The following AKT3 variants were observed in gnomAD, a reference collection of about 807,000 sequenced individuals.
AKT3 encodes the protein AKT serine/threonine kinase 3.
AKT3 carries 15 observed loss-of-function variants against 65.3 expected under a neutral mutation model. That is an observed-to-expected ratio of 0.23 (90% confidence interval 0.15 to 0.35). AKT3 has a LOEUF of 0.35. Ranked by LOEUF, AKT3 falls within the 10% of genes least tolerant of loss-of-function variation. The probability of loss-of-function intolerance (pLI) is 1.00; values close to 1 mark genes in which losing one functional copy is unlikely to be tolerated. For missense variants in AKT3, 243 were observed against 576.5 expected (o/e 0.42, Z 5.92); for synonymous variants, 206 against 183.8 (o/e 1.12, Z -0.98).
intron 2 of AKT3, among the ~76,000 whole-genome samples, chr1:243,697,368 G>GA (rs543004329): frequency 6.6e-6 from 1 of 151,636 alleles, no homozygotes; most frequent in Non-Finnish European, 1.5e-5. Context: ...AATTTAGGGG[G>GA]AAAAAATCTG....
chr1:243,825,022 A>G (rs906733699), intron 2 of AKT3, among the ~76,000 whole-genome samples: 1 of 152,240 alleles, frequency 6.6e-6, no homozygotes, highest in South Asian at 2.1e-4. Flanking sequence ...TCAATGATAG[A>G]CTGAATAAAG....
intron 12 of AKT3, among the ~76,000 whole-genome samples, chr1:243,519,912 A>T (rs1670605178): frequency 6.6e-6 from 1 of 152,264 alleles, no homozygotes. Flanking sequence ...CATGGCTTAC[A>T]AAAGTGTCTT....
At chr1:243,793,783 A>AC (rs1291821286) in intron 2 of AKT3, among the ~76,000 whole-genome samples, 1 of 151,720 alleles carries the variant, frequency 6.6e-6, no homozygotes, top group African/African-American at 2.4e-5. Flanking sequence ...TCTCAAAAAA[A>AC]AAAAAAAAGG....
chr1:243,625,781 A>C (rs146256761), intron 6 of AKT3, among the ~76,000 whole-genome samples: 1 of 152,294 alleles, frequency 6.6e-6, no homozygotes, highest in African/African-American at 2.4e-5. Flanking sequence ...TTTGATTCTG[A>C]ATGTTGCAGA....
At chr1:243,770,213 G>A (rs1228282496) in intron 2 of AKT3, among the ~76,000 whole-genome samples, 1 of 152,124 alleles carries the variant, frequency 6.6e-6, no homozygotes, top group Non-Finnish European at 1.5e-5. Context: ...AGTGCCTGAA[G>A]GTGAGAAGCA....
At chr1:243,553,970 A>T (rs930157711) in intron 10 of AKT3, among the ~76,000 whole-genome samples, 3 of 152,330 alleles carry the variant, frequency 2.0e-5, no homozygotes, top group Admixed American at 2.0e-4. Context: ...TATCAATTTA[A>T]AAACACTTAC....
At chr1:243,849,386 A>AACCCCCCC (rs1695655077) in intron 1 of AKT3, among the ~76,000 whole-genome samples, 3 of 107,020 alleles carry the variant, frequency 2.8e-5, no homozygotes, top group East Asian at 2.9e-4. Flanking sequence ...CCACACACAC[A>AACCCCCCC]CCCCCCCCCC....
rs373320364 is a variant in AKT3, at chr1:243,657,654, G to A, written c.284+7118C>T. Among the ~76,000 whole-genome samples the A allele has an allele frequency of 7.2e-5, 11 of 151,966 alleles. No individual in the cohort carries two copies. In the East Asian group the frequency reaches 7.7e-4, roughly 11 times the overall value. ...ACAGAAAAAAAAAATCCTAAAATTCGTATGGAAACCATAAAGAATCCCAAA... is the reference window on the plus strand; with the variant it reads ...ACAGAAAAAAAAAATCCTAAAATTCATATGGAAACCATAAAGAATCCCAAA... On this transcript the variant is annotated intron_variant, in intron 4 of 13. Transcript: ENST00000673466.
At chr1:243,726,529 C>T (rs1687223068) in intron 2 of AKT3, among the ~76,000 whole-genome samples, 1 of 152,132 alleles carries the variant, frequency 6.6e-6, no homozygotes, top group Admixed American at 6.5e-5. Context: ...CAGGTAAATT[C>T]TCAAAAGAAG....
intron 2 of AKT3, among the ~76,000 whole-genome samples, chr1:243,834,934 T>C (rs773941698): frequency 6.6e-6 from 1 of 152,086 alleles, no homozygotes; most frequent in Non-Finnish European, 1.5e-5. Context: ...AACATGGTGA[T>C]ATACTATACA....
chr1:243,744,477 C>T (rs1341545219), intron 2 of AKT3, among the ~76,000 whole-genome samples: 1 of 152,090 alleles, frequency 6.6e-6, no homozygotes, highest in Non-Finnish European at 1.5e-5. Flanking sequence ...CGGTGGCTCA[C>T]GCCTGTAATC....
chr1:243,762,194 G>C (rs1689535074), intron 2 of AKT3, among the ~76,000 whole-genome samples: 1 of 151,972 alleles, frequency 6.6e-6, no homozygotes, highest in African/African-American at 2.4e-5. Flanking sequence ...TTCATTCCTA[G>C]AGGGGAAAAA....
intron 2 of AKT3, among the ~76,000 whole-genome samples, chr1:243,810,353 G>T (rs532385068): frequency 1.3e-5 from 2 of 151,980 alleles, no homozygotes; most frequent in African/African-American, 4.8e-5. Context: ...TATCACCACC[G>T]ATCTCACAGA....
intron 3 of AKT3, chr1:243,688,008 C>T (rs1418785850): frequency 1.3e-5 from 2 of 151,802 alleles, no homozygotes; most frequent in Non-Finnish European, 2.9e-5. Context: ...AATTTGATAG[C>T]ATAAAGAAAA....
At chr1:243,657,435 A>C (rs774757657) in intron 4 of AKT3, among the ~76,000 whole-genome samples, 1 of 152,230 alleles carries the variant, frequency 6.6e-6, no homozygotes, top group East Asian at 1.9e-4. Context: ...AATAAACTTA[A>C]CCAAGAAGGT....
intron 12 of AKT3, among the ~76,000 whole-genome samples, chr1:243,539,391 A>G (rs556936578): frequency 1.3e-5 from 2 of 152,324 alleles, no homozygotes; most frequent in Non-Finnish European, 2.9e-5. Flanking sequence ...TATAATACAA[A>G]TAACATACAA....
intron 10 of AKT3, among the ~76,000 whole-genome samples, chr1:243,555,239 A>T (rs1174876302): frequency 6.6e-6 from 1 of 152,174 alleles, no homozygotes; most frequent in African/African-American, 2.4e-5. Flanking sequence ...CCTAACAACT[A>T]AAATCCCTCT....
chr1:243,519,623 G>A (rs1440340301), intron 12 of AKT3, among the ~76,000 whole-genome samples: 1 of 152,034 alleles, frequency 6.6e-6, no homozygotes, highest in Non-Finnish European at 1.5e-5. Context: ...AAACTTCTGG[G>A]AAAGCTTCAC....
At chr1:243,622,593 G>A (rs1017952915) in intron 6 of AKT3, among the ~76,000 whole-genome samples, 1 of 152,146 alleles carries the variant, frequency 6.6e-6, no homozygotes, top group Non-Finnish European at 1.5e-5. Context: ...GAAATAATGA[G>A]TGAATGAACT....
Sources: gnomAD v4.1 joint callset for allele counts (sites outside exome capture counted in the v4.1 genomes callset) on GRCh38, gnomAD v4.1.1 for gene constraint, MANE v1.5 for transcripts, NCBI Gene and HGNC (gene_info 2026-07-23, HGNC 2026-07-21) for gene names.